RANBP2: variants seen among roughly 807,000 people sequenced by gnomAD.
RANBP2 encodes the protein RAN binding protein 2, also known as E3 SUMO-protein ligase RanBP2.
In RANBP2, 57 loss-of-function variants were observed where a neutral mutation model predicts 303.6. The ratio of observed to expected loss-of-function variants is 0.19; its 90% CI spans 0.15 to 0.23. The LOEUF (loss-of-function observed/expected upper bound fraction) is 0.23, where lower values mean the gene tolerates loss of function less well. Among genes scored for constraint, RANBP2 ranks in the 10% least tolerant of loss-of-function variants. The probability of loss-of-function intolerance (pLI) is 1.00; values close to 1 mark genes in which losing one functional copy is unlikely to be tolerated. For synonymous variants in RANBP2, 1,167 were observed against 1,301.5 expected (o/e 0.90, Z 2.23); for missense variants, 3,138 against 3,780.8 (o/e 0.83, Z 4.46).
At chr2:109,301,373 G>A in the RANBP2 span, among the ~76,000 whole-genome samples, 1 of 151,958 alleles carries the variant, frequency 6.6e-6, no homozygotes, top group African/African-American at 2.4e-5. Context: ...TTTTGTGTGT[G>A]GTGGGGGGAC....
chr2:109,497,562 G>A, the RANBP2 span, among the ~76,000 whole-genome samples: 5 of 152,306 alleles, frequency 3.3e-5, no homozygotes, highest in East Asian at 1.9e-4. Flanking sequence ...GATTTATGAC[G>A]CACAGTTGTG....
At chr2:108,846,516 G>GAA in the RANBP2 span, among the ~76,000 whole-genome samples, 16 of 135,080 alleles carry the variant, frequency 1.2e-4, no homozygotes, top group East Asian at 6.4e-4. Flanking sequence ...CATCTCTACC[G>GAA]AAAAAAAAAA....
At chr2:108,743,990 A>G (rs1306837444) in intron 7 of RANBP2, among the ~76,000 whole-genome samples, 2 of 152,242 alleles carry the variant, frequency 1.3e-5, no homozygotes, top group African/African-American at 4.8e-5. Context: ...GGTATTTAAG[A>G]ATTGGCTAAC....
chr2:109,276,062 C>T, the RANBP2 span, among the ~76,000 whole-genome samples: 1 of 152,152 alleles, frequency 6.6e-6, no homozygotes, highest in African/African-American at 2.4e-5. Context: ...AGCAACCCTT[C>T]ATTCAGGAGG....
chr2:109,006,085 C>T, the RANBP2 span, among the ~76,000 whole-genome samples: 2 of 152,300 alleles, frequency 1.3e-5, no homozygotes, highest in African/African-American at 4.8e-5. Flanking sequence ...CGTGGCTGCC[C>T]ATAGCAGAAA....
At chr2:109,080,840 T>C in the RANBP2 span, among the ~76,000 whole-genome samples, 2 of 152,206 alleles carry the variant, frequency 1.3e-5, no homozygotes, top group African/African-American at 4.8e-5. Flanking sequence ...ATTAGAACTC[T>C]CTGTTGCAAA....
the RANBP2 span, among the ~76,000 whole-genome samples, chr2:109,621,695 C>T: frequency 2.0e-5 from 3 of 152,056 alleles, no homozygotes; most frequent in East Asian, 1.9e-4. Context: ...AGGTGAATCA[C>T]GAGGTTAGGA....
the RANBP2 span, among the ~76,000 whole-genome samples, chr2:109,559,909 GCCTTTT>G: frequency 8.7e-6 from 1 of 115,178 alleles, no homozygotes; most frequent in African/African-American, 3.8e-5. Flanking sequence ...TCCAACCAAT[GCCTTTT>G]TTTTTTTTTT....
the RANBP2 span, among the ~76,000 whole-genome samples, chr2:109,092,447 A>G: frequency 6.6e-6 from 1 of 152,164 alleles, no homozygotes; most frequent in African/African-American, 2.4e-5. Context: ...TTTGTTATGT[A>G]TATTTTGCTG....
chr2:109,139,698 G>A, the RANBP2 span, among the ~76,000 whole-genome samples: 1 of 152,204 alleles, frequency 6.6e-6, no homozygotes. Context: ...ATCAAATGAG[G>A]TGACGTATAT....
At chr2:109,184,343 G>A in the RANBP2 span, among the ~76,000 whole-genome samples, 45 of 152,260 alleles carry the variant, frequency 3.0e-4, no homozygotes, top group East Asian at 7.3e-3. Flanking sequence ...GACGTTTATC[G>A]CACAAAGGCC....
the RANBP2 span, among the ~76,000 whole-genome samples, chr2:108,850,041 C>T: frequency 6.6e-6 from 1 of 152,154 alleles, no homozygotes; most frequent in Non-Finnish European, 1.5e-5. Context: ...CCAGCACATG[C>T]CAGCACCTAG....
At chr2:109,513,510 C>CACACCACATGTACAT in the RANBP2 span, among the ~76,000 whole-genome samples, 3 of 151,314 alleles carry the variant, frequency 2.0e-5, no homozygotes, top group East Asian at 3.9e-4. Flanking sequence ...CACATGTACA[C>CACACCACATGTACAT]ACACCATACC....
At chr2:108,918,624 G>A in the RANBP2 span, among the ~76,000 whole-genome samples, 3 of 152,272 alleles carry the variant, frequency 2.0e-5, no homozygotes, top group East Asian at 1.9e-4. Context: ...CGTGGAGTTC[G>A]AGGCAGTGGT....
At chr2:109,046,131 C>T in the RANBP2 span, among the ~76,000 whole-genome samples, 9 of 151,604 alleles carry the variant, frequency 5.9e-5, no homozygotes, top group Non-Finnish European at 1.0e-4. Context: ...GGTGAAACCC[C>T]GTCTCTACTA....
chr2:109,673,112 G>A, the RANBP2 span, among the ~76,000 whole-genome samples: 2 of 152,174 alleles, frequency 1.3e-5, no homozygotes, highest in Non-Finnish European at 2.9e-5. Flanking sequence ...TAAGGGGGCC[G>A]TGAGCTACCA....
chr2:109,475,223 C>T, the RANBP2 span, among the ~76,000 whole-genome samples: 1 of 152,170 alleles, frequency 6.6e-6, no homozygotes, highest in Non-Finnish European at 1.5e-5. Flanking sequence ...GTGATCCACC[C>T]GCCTCGGCCT....
At chr2:109,774,523 T>TATATATATTATATATAAAATATATATA in the RANBP2 span, among the ~76,000 whole-genome samples, 10 of 80,588 alleles carry the variant, frequency 1.2e-4, no homozygotes, top group Non-Finnish European at 1.9e-4. Flanking sequence ...TAATATATAT[T>TATATATATTATATATAAAATATATATA]ATATATATTA....
chr2:109,142,687 T>C, the RANBP2 span, among the ~76,000 whole-genome samples: 2 of 152,176 alleles, frequency 1.3e-5, no homozygotes, highest in African/African-American at 4.8e-5. Context: ...TGAGGTCAAC[T>C]GAGCGGAGCA....
Sources: allele counts gnomAD v4.1 joint callset (sites outside exome capture counted in the v4.1 genomes callset), GRCh38; gene constraint gnomAD v4.1.1; transcripts MANE v1.5; gene names NCBI Gene and HGNC (gene_info 2026-07-23, HGNC 2026-07-21).